The following NADSYN1 variants were observed in gnomAD, a reference collection of about 807,000 sequenced individuals.
NADSYN1 encodes glutamine-dependent NAD(+) synthetase.
A neutral mutation model predicts 99.3 loss-of-function variants in NADSYN1; 80 were observed. The ratio of observed to expected loss-of-function variants is 0.81; its 90% CI spans 0.67 to 0.97. NADSYN1 has a LOEUF of 0.97. Ranked by LOEUF, NADSYN1 falls within the 50% of genes least tolerant of loss-of-function variation. The probability of loss-of-function intolerance (pLI) is 0.00; values close to 1 mark genes in which losing one functional copy is unlikely to be tolerated. For synonymous variants in NADSYN1, 385 were observed against 372.1 expected (o/e 1.03, Z -0.40); for missense variants, 859 against 948.5 (o/e 0.91, Z 1.24).
At chr11:71,465,714 TAC>T (rs1309963268) in intron 5 of NADSYN1, among the ~76,000 whole-genome samples, 4 of 152,260 alleles carry the variant, frequency 2.6e-5, no homozygotes, top group Non-Finnish European at 5.9e-5. Context: ...CCATTTTTAT[TAC>T]AGTTATTTCT....
chr11:71,453,749 T>C (rs1459578427), intron 1 of NADSYN1, among the ~76,000 whole-genome samples: 1 of 152,012 alleles, frequency 6.6e-6, no homozygotes, highest in Non-Finnish European at 1.5e-5. Flanking sequence ...CTGGCGGGGA[T>C]GGTGTGCAGA....
intron 10 of NADSYN1, chr11:71,479,995 T>C (rs1215793617): frequency 6.6e-6 from 1 of 152,278 alleles, no homozygotes; most frequent in Admixed American, 6.5e-5. Flanking sequence ...CTTCCACTGA[T>C]GGGCATCGGG....
chr11:71,488,195 C>T (rs1049714896), intron 16 of NADSYN1, among the ~76,000 whole-genome samples: 4 of 152,076 alleles, frequency 2.6e-5, no homozygotes, highest in South Asian at 4.2e-4. Context: ...GCTTTCTTCC[C>T]GGTGGTGTGA....
Position 71,474,518 on chromosome 11 carries a change from GATGACGTGGTA to G in NADSYN1, c.795_798+7del, listed in dbSNP as rs1949651362. 1.9e-6 allele frequency: 3 copies of G among 1,614,088 alleles called. No homozygotes were observed. Among genetic ancestry groups the G allele is most frequent in the African/African-American group, 1.3e-5 (1 of 74,954 alleles). On this transcript the variant is annotated splice_donor_variant and splice_donor_region_variant and coding_sequence_variant and intron_variant, in exon 9 of 21. Coordinates refer to ENST00000319023, the MANE Select transcript of NADSYN1 (RefSeq NM_018161.5). LOFTEE classifies it high-confidence loss of function. ...TGCTCAAGGATCCCAGTTTTCTCTG[GATGACGTGGTA>G]ATGAGCGGGCCTGGACATGCCTGGG...
At chr11:71,487,432 T>C (rs1207830511) in intron 16 of NADSYN1, among the ~76,000 whole-genome samples, 1 of 152,252 alleles carries the variant, frequency 6.6e-6, no homozygotes, top group African/African-American at 2.4e-5. Flanking sequence ...TCACAACTCT[T>C]GTCCATCATT....
At chr11:71,455,332 G>T in intron 2 of NADSYN1, 162 bp downstream of exon 2, 1 of 589,652 alleles carries the variant, frequency 1.7e-6, no homozygotes, top group South Asian at 2.3e-5. Flanking sequence ...CTGAGCAAGG[G>T]CAGGCCCAGG....
At chr11:71,476,340 C>T (rs913926719) in intron 9 of NADSYN1, 13 of 354,298 alleles carry the variant, frequency 3.7e-5, no homozygotes, top group African/African-American at 2.8e-4. Flanking sequence ...GCAGGGCGAG[C>T]TTGTGTCCTG....
intron 5 of NADSYN1, among the ~76,000 whole-genome samples, chr11:71,471,938 G>T (rs756827692): frequency 6.6e-6 from 1 of 152,084 alleles, no homozygotes. Flanking sequence ...TGAAGATTCC[G>T]CCTCTTGGTG....
chr11:71,482,043 G>T lies in NADSYN1; in HGVS notation c.1150+18G>T, dbSNP rs1309409977. On this transcript the variant is annotated intron_variant, in intron 13 of 20. Transcript: ENST00000319023. The stretch of plus-strand genomic sequence containing the variant: ...GAGTGGAAGTAGGTGACATCTGTTG[G>T]CTTGAGGGAGGCTCCAGGGTCCAGC... The T allele has an allele frequency of 1.9e-6, 3 of 1,596,364 alleles. No individual in the cohort carries two copies. In the South Asian group the frequency reaches 3.4e-5, roughly 18 times the overall value.
At chr11:71,494,701 A>G (rs1168187741) in intron 18 of NADSYN1, among the ~76,000 whole-genome samples, 1 of 152,054 alleles carries the variant, frequency 6.6e-6, no homozygotes, top group African/African-American at 2.4e-5. Context: ...ATTTACAGAC[A>G]TGCACCTCCA....
intron 3 of NADSYN1, 47 bp downstream of exon 3, chr11:71,458,591 A>G (rs1442914715): frequency 7.1e-7 from 1 of 1,418,098 alleles, no homozygotes; most frequent in Non-Finnish European, 1.0e-6. Flanking sequence ...GACAAAGGCA[A>G]GCTCAAGGGC....
chr11:71,462,251 A>G (rs112665710), intron 3 of NADSYN1, among the ~76,000 whole-genome samples: 4 of 152,226 alleles, frequency 2.6e-5, no homozygotes, highest in East Asian at 1.9e-4. Context: ...CTCATAAGAA[A>G]CATTTACAGT....
At chr11:71,468,423 TAA>T (rs1040091469) in intron 5 of NADSYN1, among the ~76,000 whole-genome samples, 16 of 152,154 alleles carry the variant, frequency 1.1e-4, no homozygotes, top group Non-Finnish European at 5.9e-5. Flanking sequence ...AGGGTAAAGA[TAA>T]AGATACTGAT....
chr11:71,468,804 A>T (rs1214542795), intron 5 of NADSYN1, among the ~76,000 whole-genome samples: 1 of 152,250 alleles, frequency 6.6e-6, no homozygotes, highest in Non-Finnish European at 1.5e-5. Flanking sequence ...GATAAAACCA[A>T]CCAAAAGCCA....
At chr11:71,458,278 C>G in intron 2 of NADSYN1, 150 bp from the exon 3 acceptor site, 1 of 662,654 alleles carries the variant, frequency 1.5e-6, no homozygotes. Context: ...GGGTCTTATG[C>G]TGGCTGCTCA....
Position 71,485,526 on chromosome 11 carries a change from C to T in NADSYN1, c.1456-16C>T. 6.5e-7 allele frequency: 1 copy of T among 1,541,244 alleles called. No homozygotes were observed. ...TTTGCAAGGGAACCCGTTATTTCCT[C>T]TGTTGTGTTTTCCAGGCTCGAATAC... On this transcript the variant is annotated splice_polypyrimidine_tract_variant and intron_variant, in intron 15 of 20. Transcript: ENST00000319023.
rs111870011 is a variant in NADSYN1, at chr11:71,461,233, T to G, written c.264-2199T>G. Among the ~76,000 whole-genome samples the G allele has an allele frequency of 5.7e-3, 866 of 152,268 alleles. 5 individuals carry two copies. The highest frequency in any genetic ancestry group is 8.8e-3 in the Non-Finnish European group (600 of 68,020). On this transcript the variant is annotated intron_variant, in intron 3 of 20. Coordinates refer to ENST00000319023, the MANE Select transcript of NADSYN1 (RefSeq NM_018161.5). ...TGATCTGCTTTAGTTTGTTTCTGAGTTTGTTCTAGTGGCTTACTCCACTTA... is the reference window on the plus strand; with the variant it reads ...TGATCTGCTTTAGTTTGTTTCTGAGGTTGTTCTAGTGGCTTACTCCACTTA...
chr11:71,472,523 C>A (rs780348438), intron 6 of NADSYN1, 23 bp downstream of exon 6: 2 of 1,606,620 alleles, frequency 1.2e-6, no homozygotes, highest in Non-Finnish European at 1.7e-6. Flanking sequence ...GTGTGGAGCC[C>A]GTTTTTCAGT....
At chr11:71,491,084 C>A (rs1949775806) in intron 17 of NADSYN1, 108 bp downstream of exon 17, 1 of 1,441,882 alleles carries the variant, frequency 6.9e-7, no homozygotes, top group Non-Finnish European at 9.4e-7. Context: ...CTGTTGCCTG[C>A]TGAATGGTCC....
Sources: gnomAD v4.1 joint callset for allele counts (sites outside exome capture counted in the v4.1 genomes callset) on GRCh38, gnomAD v4.1.1 for gene constraint, MANE v1.5 for transcripts, NCBI Gene and HGNC (gene_info 2026-07-23, HGNC 2026-07-21) for gene names.